The following CLIP1 variants were observed in gnomAD, a reference collection of about 807,000 sequenced individuals.
CLIP1 encodes CAP-Gly domain-containing linker protein 1.
CLIP1 carries 66 observed loss-of-function variants against 161.6 expected under a neutral mutation model. The ratio of observed to expected loss-of-function variants is 0.41; its 90% CI spans 0.33 to 0.50. The LOEUF (loss-of-function observed/expected upper bound fraction) is 0.50, where lower values mean the gene tolerates loss of function less well. CLIP1 is among the 20% of genes least tolerant of loss of function. The pLI, the probability that CLIP1 is intolerant of heterozygous loss-of-function variation, is 0.27. For missense variants in CLIP1, 1,376 were observed against 1,702.0 expected (o/e 0.81, Z 3.37); for synonymous variants, 598 against 626.2 (o/e 0.96, Z 0.67).
At chr12:122,288,853 T>C (rs1245650402) in intron 20 of CLIP1, among the ~76,000 whole-genome samples, 1 of 145,802 alleles carries the variant, frequency 6.9e-6, no homozygotes, top group East Asian at 2.0e-4. Context: ...TGTCGCTCTG[T>C]CGCCCAGGCT....
In CLIP1 at chr12:122,328,361, C is replaced by G. The variant is rs1951791932; in HGVS notation, c.2933G>C (p.Ser978Thr). Reference protein sequence around the residue: ...ANENASFLQKSIEDMTVKAEQ... With the variant: ...ANENASFLQKTIEDMTVKAEQ... Reference sequence around the variant, plus strand: ...AGCTTTGACAGTCATGTCCTCAATACTTTTTTGCAGAAAACTTGCATTTTC... The same window carrying G: ...AGCTTTGACAGTCATGTCCTCAATAGTTTTTTGCAGAAAACTTGCATTTTC... Residue 978 changes from serine to threonine, a missense_variant, in exon 16 of 26, where the codon AGT becomes ACT. Around this residue, in one of 6 missense-constraint regions of CLIP1, gnomAD observed 948 missense variants for 1,134.8 expected, o/e 0.84. Transcript: ENST00000620786. 5 of 1,612,926 alleles carry G rather than the reference C, an allele frequency of 3.1e-6. No individual in the cohort carries two copies. The highest frequency in any genetic ancestry group is 2.7e-5 in the African/African-American group (2 of 74,848).
At chr12:122,383,114 A>C (rs1955080080) in intron 1 of CLIP1, among the ~76,000 whole-genome samples, 1 of 152,218 alleles carries the variant, frequency 6.6e-6, no homozygotes, top group East Asian at 1.9e-4. Context: ...AAACAGGCTA[A>C]GTGTAGAAAT....
intron 1 of CLIP1, among the ~76,000 whole-genome samples, chr12:122,384,936 ATTTTT>A (rs201805064): frequency 1.5e-5 from 2 of 136,790 alleles, no homozygotes; most frequent in Non-Finnish European, 3.2e-5. Context: ...GTTGATGGTA[ATTTTT>A]TTTTTTTTTT....
chr12:122,360,704 C>G, intron 5 of CLIP1: 1 of 417,548 alleles, frequency 2.4e-6, no homozygotes, highest in Non-Finnish European at 4.3e-6. Flanking sequence ...TATACAGATT[C>G]ACCAAGAACA....
At chr12:122,397,549 T>A (rs1471892593) in intron 1 of CLIP1, among the ~76,000 whole-genome samples, 1 of 54,016 alleles carries the variant, frequency 1.9e-5, no homozygotes, top group African/African-American at 7.8e-5. Flanking sequence ...CCAGACTCCA[T>A]CTCCAAAAAA....
At chr12:122,308,795 C>A (rs1212267576) in intron 20 of CLIP1, among the ~76,000 whole-genome samples, 2 of 152,170 alleles carry the variant, frequency 1.3e-5, no homozygotes, top group Non-Finnish European at 2.9e-5. Flanking sequence ...TGTGGCATTT[C>A]TTCCACAAAA....
intron 1 of CLIP1, among the ~76,000 whole-genome samples, chr12:122,421,732 G>A (rs1413605623): frequency 1.3e-5 from 2 of 152,210 alleles, no homozygotes; most frequent in Non-Finnish European, 2.9e-5. Flanking sequence ...ATGAAGTGGA[G>A]AAACAGCCGG....
rs1164323104 is a variant in CLIP1 at position 122,331,019 on chromosome 12, TTA to T, written c.2867+1966_2867+1967del. On this transcript the variant is annotated intron_variant, in intron 15 of 25. Coordinates refer to ENST00000620786, the MANE Select transcript of CLIP1 (RefSeq NM_001247997.2). Reference sequence around the variant, plus strand: ...CCCTCCCTTCCTTTTTATTATTTATTTATTTTTTTTTTGAGACGGAGTTTCAC... The same window carrying T: ...CCCTCCCTTCCTTTTTATTATTTATTTTTTTTTTTTGAGACGGAGTTTCAC... 2.1e-3 allele frequency among the ~76,000 whole-genome samples: 318 copies of T among 151,642 alleles called. 2 individuals are homozygous for T. Among genetic ancestry groups the T allele is most frequent in the African/African-American group, 4.5e-3 (187 of 41,122 alleles).
chr12:122,274,541 G>GT (rs140034285), intron 24 of CLIP1: 3,439 of 144,760 alleles, frequency 0.024, 96 homozygotes, highest in African/African-American at 0.07. Flanking sequence ...GTTTTGTTTT[G>GT]TTTTTTTTTT....
At chr12:122,348,640 C>G (rs1458532849) in intron 9 of CLIP1, among the ~76,000 whole-genome samples, 1 of 152,114 alleles carries the variant, frequency 6.6e-6, no homozygotes, top group African/African-American at 2.4e-5. Flanking sequence ...CCTCTTCCCA[C>G]CCCCACCTCT....
intron 24 of CLIP1, chr12:122,276,382 C>CAACACACACACACACACA: frequency 8.6e-7 from 1 of 1,160,594 alleles, no homozygotes; most frequent in Non-Finnish European, 1.1e-6. Flanking sequence ...TAGTGGGAAA[C>CAACACACACACACACACA]CACACACACA....
At chr12:122,287,124 T>A (rs1955890548) in intron 21 of CLIP1, among the ~76,000 whole-genome samples, 2 of 151,982 alleles carry the variant, frequency 1.3e-5, no homozygotes, top group Admixed American at 6.6e-5. Flanking sequence ...CCGTAAGCCA[T>A]GATTGAGCCA....
chr12:122,341,287 T>G lies in CLIP1; in HGVS notation c.1917A>C (p.Glu639Asp). The change falls in exon 11 of 26, where the codon GAA becomes GAC. Residue 639 changes from glutamate (E) to aspartate (D), a missense_variant. Transcript: ENST00000620786. The part of the protein sequence containing the change: ...TAIASHQQAM[E>D]ELKVSFSKGL... ...CTTTGCTGAAAGATACCTTCAGTTC[T>G]TCCATCGCCTGCTGGTGGGATGCGA... 1 of 1,614,014 alleles carries G rather than the reference T, an allele frequency of 6.2e-7. No homozygotes were observed. Among genetic ancestry groups the G allele is most frequent in the Non-Finnish European group, 8.5e-7 (1 of 1,179,868 alleles).
intron 1 of CLIP1, chr12:122,399,190 A>G (rs1175299166): frequency 6.6e-6 from 1 of 152,194 alleles, no homozygotes; most frequent in Non-Finnish European, 1.5e-5. Flanking sequence ...CCCCAGTTGG[A>G]TGACCCTGAA....
intron 1 of CLIP1, among the ~76,000 whole-genome samples, chr12:122,417,376 G>A (rs946797849): frequency 6.6e-6 from 1 of 152,128 alleles, no homozygotes; most frequent in East Asian, 1.9e-4. Context: ...TGAGGCAGGA[G>A]GACGGCTTGA....
intron 15 of CLIP1, among the ~76,000 whole-genome samples, chr12:122,331,925 G>A (rs1227491609): frequency 6.6e-6 from 1 of 152,020 alleles, no homozygotes; most frequent in Non-Finnish European, 1.5e-5. Flanking sequence ...AACCTGGGAG[G>A]TGAAGGCTGC....
chr12:122,401,039 G>A lies in CLIP1; in HGVS notation c.-106-20481C>T, dbSNP rs368253146. Among the ~76,000 whole-genome samples, 6 of 151,670 alleles carry A rather than the reference G, an allele frequency of 4.0e-5. No individual in the cohort carries two copies. The East Asian group carries it at 7.9e-4, about 20-fold the overall frequency. On this transcript the variant is annotated intron_variant, in intron 1 of 25. Transcript: ENST00000620786. ...CAATTCTCATGCCTTAGCCTCCCAA[G>A]TAGCTGGGATTACAGGCACGTGCCA...
intron 1 of CLIP1, among the ~76,000 whole-genome samples, chr12:122,386,694 C>T (rs1044428166): frequency 4.6e-5 from 7 of 152,016 alleles, no homozygotes; most frequent in East Asian, 1.9e-4. Context: ...TTTGAGTAAA[C>T]GATTTTTTTA....
intron 5 of CLIP1, among the ~76,000 whole-genome samples, chr12:122,357,409 CCTGT>C (rs1346829726): frequency 6.6e-6 from 1 of 151,150 alleles, no homozygotes; most frequent in African/African-American, 2.4e-5. Flanking sequence ...CGGCAGCCGC[CCTGT>C]CTGAGAAGTG....
Sources: gnomAD v4.1 joint callset for allele counts (sites outside exome capture counted in the v4.1 genomes callset) on GRCh38, gnomAD v4.1.1 for gene constraint, gnomAD v4.1.1 regional missense constraint, MANE v1.5 for transcripts, NCBI Gene and HGNC (gene_info 2026-07-23, HGNC 2026-07-21) for gene names.